Variants in TPST2 observed in about 807,000 individuals in gnomAD.
The protein encoded by TPST2 is tyrosylprotein sulfotransferase 2, also known as protein-tyrosine sulfotransferase 2.
Under a neutral mutation model 27.8 loss-of-function variants are expected in TPST2, and 16 were observed. The observed-to-expected ratio is 0.58, with a 90% confidence interval of 0.39 to 0.88. The LOEUF is 0.88. TPST2 is among the 40% of genes least tolerant of loss of function. TPST2 has a pLI of 0.00. For synonymous variants in TPST2, 229 were observed against 231.7 expected (o/e 0.99, Z 0.10); for missense variants, 464 against 543.1 (o/e 0.85, Z 1.45).
At chr22:26,562,520 T>C (rs1927157828) in intron 1 of TPST2, among the ~76,000 whole-genome samples, 1 of 152,220 alleles carries the variant, frequency 6.6e-6, no homozygotes. Context: ...TAAGTCTCTT[T>C]GGAGTAAAAG....
chr22:26,561,782 AT>A (rs1205417012), intron 1 of TPST2, among the ~76,000 whole-genome samples: 1 of 152,106 alleles, frequency 6.6e-6, no homozygotes, highest in East Asian at 1.9e-4. Context: ...AGGAAGGAAA[AT>A]TTAGGCTTAG....
chr22:26,575,588 C>T (rs1045928540), intron 1 of TPST2, among the ~76,000 whole-genome samples: 1 of 152,204 alleles, frequency 6.6e-6, no homozygotes, highest in Non-Finnish European at 1.5e-5. Context: ...GCTGGATTCC[C>T]GGCATCCGGC....
chr22:26,572,535 T>C (rs947668592), intron 1 of TPST2, among the ~76,000 whole-genome samples: 4 of 152,194 alleles, frequency 2.6e-5, no homozygotes, highest in Admixed American at 1.3e-4. Flanking sequence ...TCCTAGCTAA[T>C]AGATGGGTCC....
At chr22:26,582,538 T>C (rs1928156962) in intron 1 of TPST2, among the ~76,000 whole-genome samples, 2 of 152,168 alleles carry the variant, frequency 1.3e-5, no homozygotes, top group Admixed American at 6.5e-5. Context: ...CTCAACTTCA[T>C]AGGCTGACAT....
At chr22:26,548,302 G>A (rs9608497) in intron 1 of TPST2, among the ~76,000 whole-genome samples, 53,513 of 141,722 alleles carry the variant, frequency 0.38, 10,095 homozygotes, top group African/African-American at 0.47. Context: ...TTAATACAGC[G>A]AGACCCCATC....
intron 1 of TPST2, 107 bp from the exon 2 acceptor site, chr22:26,544,782 G>GCT: frequency 1.9e-6 from 1 of 519,652 alleles, no homozygotes; most frequent in Non-Finnish European, 2.5e-6. Context: ...ACTGGACAGT[G>GCT]ACATTTGGGA....
At chr22:26,560,804 T>C (rs941800823) in intron 1 of TPST2, 1 of 1,384,186 alleles carries the variant, frequency 7.2e-7, no homozygotes, top group Non-Finnish European at 1.0e-6. Flanking sequence ...AGGATCCGAA[T>C]GCACCCAAGA....
intron 1 of TPST2, among the ~76,000 whole-genome samples, chr22:26,576,851 C>T (rs1405210292): frequency 6.6e-6 from 1 of 151,340 alleles, no homozygotes; most frequent in African/African-American, 2.4e-5. Flanking sequence ...AATCCCAGTA[C>T]TTTGGGAGGC....
intron 5 of TPST2, among the ~76,000 whole-genome samples, chr22:26,531,767 T>C (rs1052198832): frequency 5.3e-5 from 8 of 152,228 alleles, no homozygotes; most frequent in Admixed American, 3.3e-4. Context: ...CCACTTTAGA[T>C]GCCAGCTGCA....
chr22:26,571,641 C>T (rs1205717451), intron 1 of TPST2, among the ~76,000 whole-genome samples: 1 of 152,122 alleles, frequency 6.6e-6, no homozygotes, highest in Non-Finnish European at 1.5e-5. Flanking sequence ...GCATAGCAAC[C>T]GTGAAATGGC....
intron 1 of TPST2, among the ~76,000 whole-genome samples, chr22:26,586,539 G>T (rs1928355039): frequency 6.6e-6 from 1 of 152,138 alleles, no homozygotes; most frequent in Non-Finnish European, 1.5e-5. Flanking sequence ...CATGAGCCAT[G>T]CACCCGGCCT....
chr22:26,580,676 G>A (rs957923051), intron 1 of TPST2, among the ~76,000 whole-genome samples: 4 of 152,050 alleles, frequency 2.6e-5, no homozygotes, highest in African/African-American at 9.7e-5. Flanking sequence ...AAATAAAATC[G>A]AAGGAAGCAA....
intron 1 of TPST2, among the ~76,000 whole-genome samples, chr22:26,564,350 T>A (rs762518087): frequency 4.6e-5 from 7 of 152,252 alleles, no homozygotes; most frequent in Non-Finnish European, 8.8e-5. Context: ...CTTAGTGGGC[T>A]GGACATCTGT....
At chr22:26,567,797 A>G (rs1457039420) in intron 1 of TPST2, among the ~76,000 whole-genome samples, 5 of 152,272 alleles carry the variant, frequency 3.3e-5, no homozygotes, top group Non-Finnish European at 7.3e-5. Flanking sequence ...TAAGTGGTCA[A>G]TAAGCATATG....
At chr22:26,557,883 C>CA (rs932798680) in intron 1 of TPST2, among the ~76,000 whole-genome samples, 4 of 149,568 alleles carry the variant, frequency 2.7e-5, no homozygotes, top group African/African-American at 4.9e-5. Context: ...TCCATCTCTA[C>CA]AAAAAAATTA....
At chr22:26,534,139 T>C (rs1925322891) in intron 4 of TPST2, among the ~76,000 whole-genome samples, 1 of 152,122 alleles carries the variant, frequency 6.6e-6, no homozygotes, top group African/African-American at 2.4e-5. Context: ...GGGCCACACA[T>C]GGCTAGTGGC....
In TPST2 at chr22:26,540,825, T is replaced by C. The variant is rs1925752677; in HGVS notation, c.806A>G (p.Asp269Gly). The change falls in exon 3 of 7, where the codon GAC (aspartate) becomes GGC (glycine). Residue 269 changes from aspartate (D) to glycine (G), a missense_variant. By Grantham distance (94) the Asp-to-Gly change is moderately conservative. Transcript: ENST00000338754. ...GACACCACCGGGCTTGCCAATGAGG[T>C]CTTCATGGTGGAGGACAGCGTCGCT... ...AWSDAVLHHE[D>G]LIGKPGGVSL... is the part of the protein sequence containing the mutation. The C allele has an allele frequency of 6.2e-7, 1 of 1,609,182 alleles. No individual in the cohort carries two copies. The highest frequency in any genetic ancestry group is 8.5e-7 in the Non-Finnish European group (1 of 1,176,958).
intron 1 of TPST2, among the ~76,000 whole-genome samples, chr22:26,589,229 G>A (rs1209577344): frequency 2.0e-5 from 3 of 152,106 alleles, no homozygotes; most frequent in East Asian, 3.9e-4. Context: ...GGTTAGGCAC[G>A]GTTCTTTCTA....
intron 1 of TPST2, among the ~76,000 whole-genome samples, chr22:26,545,402 C>T (rs1038057805): frequency 2.6e-5 from 4 of 152,154 alleles, no homozygotes; most frequent in South Asian, 4.1e-4. Flanking sequence ...GCTGTGTCCA[C>T]GATGAGTCCT....
Sources: gnomAD v4.1 joint callset for allele counts (sites outside exome capture counted in the v4.1 genomes callset) on GRCh38, gnomAD v4.1.1 for gene constraint, MANE v1.5 for transcripts, NCBI Gene and HGNC (gene_info 2026-07-23, HGNC 2026-07-21) for gene names.